JMY: variants seen among roughly 807,000 people sequenced by gnomAD.
JMY encodes junction-mediating and -regulatory protein.
In JMY, 46 loss-of-function variants were observed where a neutral mutation model predicts 103.3. The ratio of observed to expected loss-of-function variants is 0.45; its 90% CI spans 0.35 to 0.57. The LOEUF (loss-of-function observed/expected upper bound fraction) is 0.57, where lower values mean the gene tolerates loss of function less well. Among genes scored for constraint, JMY ranks in the 20% least tolerant of loss-of-function variants. The probability of loss-of-function intolerance (pLI) is 0.00; values close to 1 mark genes in which losing one functional copy is unlikely to be tolerated. For missense variants in JMY, 1,238 were observed against 1,255.2 expected (o/e 0.99, Z 0.21); for synonymous variants, 526 against 489.3 (o/e 1.07, Z -0.99).
intron 10 of JMY, among the ~76,000 whole-genome samples, chr5:79,318,741 AATATAT>A (rs71830021): frequency 0.099 from 13,392 of 134,762 alleles, 769 homozygotes; most frequent in East Asian, 0.16. Flanking sequence ...TTTGTAAAGG[AATATAT>A]ATATATATAT....
In JMY at chr5:79,237,077, C is replaced by G. The variant is rs779511301; in HGVS notation, c.427C>G (p.Pro143Ala). 15 of 1,541,272 alleles carry G rather than the reference C, an allele frequency of 9.7e-6. No individual in the cohort carries two copies. The highest frequency in any genetic ancestry group is 1.2e-5 in the Non-Finnish European group (14 of 1,140,738). Residue 143 changes from proline (P) to alanine (A), a missense_variant, in exon 1 of 11, where the codon CCA (proline) becomes GCA (alanine). Pro to Ala is a conservative substitution (Grantham distance 27). Coordinates refer to ENST00000396137, the MANE Select transcript of JMY (RefSeq NM_152405.5). ...SKGAESRLRS[P>A]VRAKPIPGQK... ...AGGGGCGGAGAGTCGTCTTAGGAGC[C>G]CAGTGCGGGCCAAACCCATCCCGGG...
intron 1 of JMY, among the ~76,000 whole-genome samples, chr5:79,270,314 T>A (rs191645244): frequency 7.0e-6 from 1 of 143,860 alleles, no homozygotes; most frequent in Non-Finnish European, 1.5e-5. Flanking sequence ...ATATTTAAAA[T>A]ATATATTTAC....
chr5:79,267,523 A>G (rs1745619841), intron 1 of JMY, among the ~76,000 whole-genome samples: 1 of 152,226 alleles, frequency 6.6e-6, no homozygotes, highest in Admixed American at 6.5e-5. Flanking sequence ...AGCAATATAC[A>G]TATAAGGTGT....
intron 2 of JMY, chr5:79,284,535 T>C: frequency 3.8e-6 from 6 of 1,571,402 alleles, no homozygotes; most frequent in Non-Finnish European, 5.2e-6. Context: ...TAACCATCAA[T>C]AGTCCTGACG....
At chr5:79,289,186 G>T (rs1746351251) in intron 2 of JMY, among the ~76,000 whole-genome samples, 1 of 143,684 alleles carries the variant, frequency 7.0e-6, no homozygotes. Flanking sequence ...AGCAAGCCAA[G>T]ATCGCACTAC....
chr5:79,278,619 C>G (rs1479087385), intron 2 of JMY, among the ~76,000 whole-genome samples: 1 of 101,428 alleles, frequency 9.9e-6, no homozygotes, highest in African/African-American at 3.5e-5. Context: ...AAAAATCAAA[C>G]TAGCTGGATG....
At chr5:79,261,939 C>T (rs1745436509) in intron 1 of JMY, among the ~76,000 whole-genome samples, 1 of 152,200 alleles carries the variant, frequency 6.6e-6, no homozygotes, top group African/African-American at 2.4e-5. Flanking sequence ...CTTCATGTTT[C>T]TTAAGTGAAT....
rs77228453 is a variant in JMY at position 79,280,052 on chromosome 5, C to T, written c.1206+1969C>T. Among the ~76,000 whole-genome samples the T allele has an allele frequency of 4.9e-4, 74 of 152,242 alleles. 1 individual carries two copies. In the East Asian group the frequency reaches 0.014, roughly 28 times the overall value. On this transcript the variant is annotated intron_variant, in intron 2 of 10. Coordinates refer to ENST00000396137, the MANE Select transcript of JMY (RefSeq NM_152405.5). ...TGTGCGGAGGTCTCCATCTGTTGCC[C>T]AGGCTGGTCCAGAACTCTTGAACTC...
intron 2 of JMY, among the ~76,000 whole-genome samples, chr5:79,282,441 A>G (rs1367639329): frequency 1.3e-5 from 2 of 152,210 alleles, no homozygotes; most frequent in Non-Finnish European, 2.9e-5. Flanking sequence ...GGCAAGTTAT[A>G]TCTCAATAAA....
intron 2 of JMY, chr5:79,284,717 C>G: frequency 6.3e-7 from 1 of 1,592,044 alleles, no homozygotes; most frequent in East Asian, 2.2e-5. Context: ...AGACTCACTT[C>G]AAACACACGA....
rs2112130872 is a variant in JMY, at chr5:79,323,072, T to TTA, written c.*1472_*1473dup. ...AGGTTATGTAAGACAACAACTTTTT[T>TTA]TATTATTTCAAAACAAAACAGGCAC... On this transcript the variant is annotated 3_prime_UTR_variant, in exon 11 of 11. Transcript: ENST00000396137. 6.6e-6 allele frequency: 1 copy of TTA among 152,322 alleles called. No homozygotes were observed. Among genetic ancestry groups the TTA allele is most frequent in the East Asian group, 1.9e-4 (1 of 5,184 alleles). The allele number at this position is 152,322 out of a possible 1,614,324, so 9.4% of individuals were successfully genotyped here. A position where few individuals can be genotyped will look rare whatever the true frequency, so the allele number is the denominator to read the frequency against.
intron 1 of JMY, among the ~76,000 whole-genome samples, chr5:79,246,848 C>CT (rs1744919523): frequency 6.6e-6 from 1 of 151,802 alleles, no homozygotes; most frequent in Admixed American, 6.6e-5. Context: ...CGGCACTGCA[C>CT]TCTAGCCTGG....
At chr5:79,297,136 T>C (rs955854431) in intron 4 of JMY, among the ~76,000 whole-genome samples, 4 of 152,182 alleles carry the variant, frequency 2.6e-5, no homozygotes, top group African/African-American at 9.6e-5. Context: ...TGAGTCTAGC[T>C]CAAACTTTGC....
chr5:79,297,639 G>A (rs1746603205), intron 4 of JMY, among the ~76,000 whole-genome samples: 2 of 152,070 alleles, frequency 1.3e-5, no homozygotes, highest in African/African-American at 4.8e-5. Context: ...TTTCTCCTTT[G>A]CTGATCTCAT....
At chr5:79,246,367 CT>C (rs1233062212) in intron 1 of JMY, among the ~76,000 whole-genome samples, 2 of 152,086 alleles carry the variant, frequency 1.3e-5, no homozygotes, top group African/African-American at 4.8e-5. Flanking sequence ...GTTAGTTAAC[CT>C]TTATTGAATG....
chr5:79,280,354 A>G (rs1264117615), intron 2 of JMY, among the ~76,000 whole-genome samples: 1 of 152,184 alleles, frequency 6.6e-6, no homozygotes, highest in Non-Finnish European at 1.5e-5. Context: ...GGGTATTAAT[A>G]TTAGCAAATT....
intron 2 of JMY, among the ~76,000 whole-genome samples, chr5:79,285,968 T>C (rs200043707): frequency 6.8e-6 from 1 of 147,968 alleles, no homozygotes; most frequent in Non-Finnish European, 1.5e-5. Context: ...GCGCTTTTTT[T>C]CCGTGTTAAA....
rs571390709 is a variant in JMY at position 79,245,755 on chromosome 5, A to G, written c.1032+8073A>G. On this transcript the variant is annotated intron_variant, in intron 1 of 10. Transcript: ENST00000396137. The stretch of plus-strand genomic sequence containing the variant: ...ATTATTCTGCCTCAGTCTCCTGGGT[A>G]GCTGGGATTACAGGCATCTGCCACC... Among the ~76,000 whole-genome samples the G allele has an allele frequency of 6.6e-5, 10 of 152,232 alleles. No homozygotes were observed. In the South Asian group the frequency reaches 2.1e-3, roughly 32 times the overall value.
intron 4 of JMY, among the ~76,000 whole-genome samples, chr5:79,292,832 C>T (rs919219057): frequency 6.6e-6 from 1 of 152,028 alleles, no homozygotes; most frequent in East Asian, 1.9e-4. Context: ...CTGGGGCTGT[C>T]CCATTAATGT....
Sources: gnomAD v4.1 joint callset for allele counts (sites outside exome capture counted in the v4.1 genomes callset) on GRCh38, gnomAD v4.1.1 for gene constraint, MANE v1.5 for transcripts, NCBI Gene and HGNC (gene_info 2026-07-23, HGNC 2026-07-21) for gene names.